LIMCH1: variants seen among roughly 807,000 people sequenced by gnomAD.
LIMCH1 encodes LIM and calponin homology domains-containing protein 1.
LIMCH1 carries 113 observed loss-of-function variants against 176.5 expected under a neutral mutation model. The ratio of observed to expected loss-of-function variants is 0.64; its 90% CI spans 0.55 to 0.75. The LOEUF is 0.75. Ranked by LOEUF, LIMCH1 falls within the 30% of genes least tolerant of loss-of-function variation. LIMCH1 has a pLI of 0.00. For missense variants in LIMCH1, 1,674 were observed against 1,814.9 expected, an observed-to-expected ratio of 0.92 and a Z score of 1.41; for synonymous variants, 619 against 645.9, an observed-to-expected ratio of 0.96 and a Z score of 0.63.
chr4:41,609,739 C>A, intron 4 of LIMCH1: 1 of 442,238 alleles, frequency 2.3e-6, no homozygotes, highest in South Asian at 1.6e-5. Context: ...AACTCAGTAG[C>A]AGTTAGCACA....
At chr4:41,521,324 A>G (rs183586449) in intron 2 of LIMCH1, among the ~76,000 whole-genome samples, 104 of 152,278 alleles carry the variant, frequency 6.8e-4, no homozygotes, top group African/African-American at 2.4e-3. Context: ...TTCTTCTACA[A>G]AAATGGTGGG....
At chr4:41,495,555 A>G (rs1012871510) in intron 2 of LIMCH1, among the ~76,000 whole-genome samples, 10 of 152,140 alleles carry the variant, frequency 6.6e-5, no homozygotes, top group Non-Finnish European at 1.3e-4. Context: ...GGCAACTTTC[A>G]GAATATTGCT....
chr4:41,644,738 G>T, intron 15 of LIMCH1, 112 bp downstream of exon 15: 1 of 1,347,868 alleles, frequency 7.4e-7, no homozygotes, highest in Non-Finnish European at 1.0e-6. Flanking sequence ...AGCCCCTAGA[G>T]GGTTTCAAAA....
intron 7 of LIMCH1, among the ~76,000 whole-genome samples, chr4:41,624,474 C>G (rs1360693913): frequency 4.6e-5 from 7 of 151,812 alleles, no homozygotes; most frequent in Non-Finnish European, 1.0e-4. Flanking sequence ...ACCAGTCAGG[C>G]ACATAACTTG....
chr4:41,680,785 A>G (rs1715049556), intron 24 of LIMCH1, among the ~76,000 whole-genome samples, 170 bp from the exon 25 acceptor site: 1 of 152,184 alleles, frequency 6.6e-6, no homozygotes, highest in African/African-American at 2.4e-5. Flanking sequence ...ATTATTACCC[A>G]TGGAGAGTGT....
chr4:41,630,134 T>A (rs1050148005), intron 9 of LIMCH1, among the ~76,000 whole-genome samples: 24 of 152,114 alleles, frequency 1.6e-4, no homozygotes, highest in Admixed American at 7.2e-4. Context: ...TTAATTTTTT[T>A]AAATAGAGAT....
intron 23 of LIMCH1, among the ~76,000 whole-genome samples, chr4:41,678,456 G>A (rs373505251): frequency 2.0e-5 from 3 of 152,086 alleles, no homozygotes; most frequent in African/African-American, 7.2e-5. Flanking sequence ...TGTGAGACGT[G>A]CACCCCTGAC....
intron 1 of LIMCH1, among the ~76,000 whole-genome samples, chr4:41,471,165 T>C (rs1164152165): frequency 4.6e-5 from 7 of 152,014 alleles, no homozygotes; most frequent in Non-Finnish European, 1.0e-4. Context: ...AGATCTCAAC[T>C]CAGATTAACA....
intron 13 of LIMCH1, among the ~76,000 whole-genome samples, chr4:41,638,000 A>G (rs996232679): frequency 6.6e-6 from 1 of 152,208 alleles, no homozygotes; most frequent in Non-Finnish European, 1.5e-5. Context: ...TTTGTCCACC[A>G]TCAGAATTGC....
At chr4:41,429,119 G>A (rs944899609) in intron 1 of LIMCH1, among the ~76,000 whole-genome samples, 2 of 152,144 alleles carry the variant, frequency 1.3e-5, no homozygotes, top group Non-Finnish European at 2.9e-5. Context: ...TGCTTGAGTG[G>A]CTGTGCTGAA....
intron 1 of LIMCH1, among the ~76,000 whole-genome samples, chr4:41,448,568 T>A (rs10033178): frequency 0.044 from 6,671 of 152,158 alleles, 292 homozygotes; most frequent in African/African-American, 0.1. Context: ...TTGGTAACAG[T>A]TTTATTGAGA....
rs964848401 is a variant in LIMCH1, at chr4:41,682,380, A to T, written c.3765A>T (p.Arg1255Ser). 2 of 1,612,764 alleles carry T rather than the reference A, an allele frequency of 1.2e-6. No homozygotes were observed. The highest frequency in any genetic ancestry group is 2.7e-5 in the African/African-American group (2 of 74,876). The change falls in exon 26 of 32, where the codon AGA (arginine) becomes AGT (serine). Residue 1255 changes from arginine to serine, a missense_variant. By Grantham distance (110) the Arg-to-Ser change is moderately radical. Transcript: ENST00000503057. ...GNCQDEKQDR[R>S]WKKSFQGDDS... ...GTCAAGATGAAAAACAAGACAGAAG[A>T]TGGAAGAAATCATTCCAGGGAGATG...
At position 41,698,114 on chromosome 4, in the gene LIMCH1, T is replaced by G. The variant is rs1731722274; in HGVS notation, c.*929T>G. On this transcript the variant is annotated 3_prime_UTR_variant, in exon 32 of 32. Transcript: ENST00000503057. ...GTATATGGAAGATGAGGCACCGAGA[T>G]AAGTTCATCATTAGGTGTGAGCACT... 2.0e-5 allele frequency: 3 copies of G among 152,094 alleles called. No individual in the cohort carries two copies. The South Asian group carries it at 6.2e-4, about 32-fold the overall frequency. 9.4% of individuals were successfully genotyped at this position (152,094 alleles called of 1,614,324 possible).
chr4:41,599,991 T>C (rs1408418959), intron 2 of LIMCH1, among the ~76,000 whole-genome samples: 1 of 152,168 alleles, frequency 6.6e-6, no homozygotes, highest in Non-Finnish European at 1.5e-5. Context: ...TTTATACTAT[T>C]TGCTTGATTT....
rs540277509 is a variant in LIMCH1, at chr4:41,529,778, A to G, written c.237+5300A>G. Among the ~76,000 whole-genome samples the G allele has an allele frequency of 2.6e-4, 40 of 152,276 alleles. 1 individual carries two copies. The highest frequency in any genetic ancestry group is 4.7e-4 in the Non-Finnish European group (32 of 68,008). On this transcript the variant is annotated intron_variant, in intron 3 of 26. Transcript: ENST00000313860. ...CTCTTTTTTTTCTTTCTGTCGGCCAATACCTACAAAATATCTTTCTGAGCT... is the reference window on the plus strand; with the variant it reads ...CTCTTTTTTTTCTTTCTGTCGGCCAGTACCTACAAAATATCTTTCTGAGCT...
intron 22 of LIMCH1, 105 bp downstream of exon 22, chr4:41,671,699 A>C: frequency 8.9e-5 from 76 of 853,790 alleles, no homozygotes; most frequent in Non-Finnish European, 1.3e-4. Flanking sequence ...GCGGTGGCTC[A>C]CGCCTGTAAT....
At chr4:41,382,852 C>T (rs2055901249) in intron 1 of LIMCH1, among the ~76,000 whole-genome samples, 1 of 152,154 alleles carries the variant, frequency 6.6e-6, no homozygotes, top group East Asian at 1.9e-4. Flanking sequence ...AGTGCAGTGG[C>T]ACAATCTTGG....
chr4:41,422,811 G>A (rs1458774400), intron 1 of LIMCH1, among the ~76,000 whole-genome samples: 5 of 151,928 alleles, frequency 3.3e-5, no homozygotes, highest in Admixed American at 3.3e-4. Context: ...AGGCTGCAGG[G>A]CAGTGACACA....
intron 1 of LIMCH1, among the ~76,000 whole-genome samples, chr4:41,384,429 C>T (rs189149526): frequency 1.0e-3 from 156 of 151,950 alleles, no homozygotes; most frequent in African/African-American, 3.5e-3. Flanking sequence ...AGGATGGTCT[C>T]GATCTCCTGA....
Sources: gnomAD v4.1 joint callset for allele counts (sites outside exome capture counted in the v4.1 genomes callset) on GRCh38, gnomAD v4.1.1 for gene constraint, MANE v1.5 for transcripts, NCBI Gene and HGNC (gene_info 2026-07-23, HGNC 2026-07-21) for gene names.